Variants in TAF4B observed in about 807,000 individuals in gnomAD.
TAF4B encodes the protein transcription initiation factor TFIID subunit 4B.
In TAF4B, 38 loss-of-function variants were observed where a neutral mutation model predicts 86.4. That is an observed-to-expected ratio of 0.44 (90% CI 0.34 to 0.58). The LOEUF is 0.58. Among genes scored for constraint, TAF4B ranks in the 20% least tolerant of loss-of-function variants. TAF4B has a pLI of 0.02. For missense variants in TAF4B, 988 were observed against 1,027.6 expected (o/e 0.96, Z 0.53); for synonymous variants, 388 against 391.2 (o/e 0.99, Z 0.10).
In TAF4B at chr18:26,276,673, C is replaced by T. The variant is rs9945134; in HGVS notation, c.882+1620C>T. Among the ~76,000 whole-genome samples the T allele has an allele frequency of 8.5e-5, 13 of 152,130 alleles. No homozygotes were observed. The East Asian group carries it at 2.5e-3, about 29-fold the overall frequency. On this transcript the variant is annotated intron_variant, in intron 5 of 14. Coordinates refer to ENST00000269142, the MANE Select transcript of TAF4B (RefSeq NM_005640.3). ...TTACAGATGTCTAAAATACCTCATA[C>T]TAACAAATTTTTAATTCAACTTACG...
At chr18:26,360,218 G>A (rs2144737213) in intron 14 of TAF4B, among the ~76,000 whole-genome samples, 1 of 152,130 alleles carries the variant, frequency 6.6e-6, no homozygotes, top group East Asian at 1.9e-4. Flanking sequence ...ATATTCATTA[G>A]TGTGCCTATC....
At chr18:26,335,312 T>A in intron 13 of TAF4B, 81 bp downstream of exon 13, 1 of 1,252,484 alleles carries the variant, frequency 8.0e-7, no homozygotes, top group Non-Finnish European at 1.2e-6. Context: ...GGTCAGGGTT[T>A]ATTTTGCTGT....
intron 5 of TAF4B, among the ~76,000 whole-genome samples, chr18:26,277,083 T>G (rs1392274351): frequency 6.6e-6 from 1 of 151,952 alleles, no homozygotes; most frequent in African/African-American, 2.4e-5. Context: ...CTTTTTTTAT[T>G]GAAAAAATTT....
At chr18:26,305,769 A>G (rs1228089686) in intron 9 of TAF4B, among the ~76,000 whole-genome samples, 1 of 152,164 alleles carries the variant, frequency 6.6e-6, no homozygotes, top group African/African-American at 2.4e-5. Flanking sequence ...CTTTTTCTAT[A>G]TTCCTTTTTA....
At chr18:26,262,963 T>C (rs1022611524) in intron 1 of TAF4B, among the ~76,000 whole-genome samples, 15 of 152,154 alleles carry the variant, frequency 9.9e-5, no homozygotes, top group Non-Finnish European at 1.0e-4. Flanking sequence ...TAAAAGATTT[T>C]ATTTAGAGAC....
rs527374107 is a variant in TAF4B at position 26,338,812 on chromosome 18, G to C, written c.2316+3581G>C. Among the ~76,000 whole-genome samples the C allele has an allele frequency of 9.2e-5, 14 of 152,234 alleles. No homozygotes were observed. In the South Asian group the frequency reaches 2.3e-3, roughly 25 times the overall value. ...TGTAGTTTTTCTTTCCTCTAATAAA[G>C]TTTTAGAGGCTGTTCATCTTTGCAT... On this transcript the variant is annotated intron_variant, in intron 13 of 14. Transcript: ENST00000269142.
chr18:26,236,817 A>C (rs1022979181), intron 1 of TAF4B, among the ~76,000 whole-genome samples: 1 of 152,126 alleles, frequency 6.6e-6, no homozygotes, highest in Non-Finnish European at 1.5e-5. Context: ...TAATGCCTCC[A>C]GATTTTGTTC....
intron 14 of TAF4B, among the ~76,000 whole-genome samples, chr18:26,381,642 G>T (rs1378209712): frequency 1.3e-5 from 2 of 151,838 alleles, no homozygotes; most frequent in Non-Finnish European, 2.9e-5. Flanking sequence ...CAGGGGAATC[G>T]CTTGAACCTG....
At chr18:26,310,181 T>G (rs2056839004) in intron 9 of TAF4B, among the ~76,000 whole-genome samples, 1 of 152,194 alleles carries the variant, frequency 6.6e-6, no homozygotes, top group Non-Finnish European at 1.5e-5. Flanking sequence ...GAATCAGTAC[T>G]CTTAATTTTT....
In TAF4B at chr18:26,242,161, A is replaced by T. The variant is rs188501675; in HGVS notation, c.343+14885A>T. 2.0e-3 allele frequency among the ~76,000 whole-genome samples: 308 copies of T among 152,276 alleles called. 1 individual carries two copies. Among genetic ancestry groups the T allele is most frequent in the South Asian group, 3.7e-3 (18 of 4,824 alleles). On this transcript the variant is annotated intron_variant, in intron 1 of 14. Transcript: ENST00000269142. ...TCCTTGTTAACTTTCTGTCTCGTTG[A>T]TCTGTCTAATGTTGACAGTGGGGTG...
chr18:26,383,813 A>AATTTCT (rs1476171851), intron 14 of TAF4B, among the ~76,000 whole-genome samples: 1 of 152,170 alleles, frequency 6.6e-6, no homozygotes, highest in Non-Finnish European at 1.5e-5. Context: ...AATAACTAGA[A>AATTTCT]AGGAATAAAA....
chr18:26,294,947 A>G (rs979216915), intron 9 of TAF4B, among the ~76,000 whole-genome samples: 1 of 150,370 alleles, frequency 6.7e-6, no homozygotes, highest in African/African-American at 2.4e-5. Flanking sequence ...AAATTAATGA[A>G]CTGGAATTCA....
At chr18:26,347,700 GAC>G (rs1284640335) in intron 13 of TAF4B, among the ~76,000 whole-genome samples, 2 of 152,156 alleles carry the variant, frequency 1.3e-5, no homozygotes, top group East Asian at 3.8e-4. Context: ...CAGCTGTAAA[GAC>G]ACACATAGAC....
At chr18:26,253,824 C>G in intron 1 of TAF4B, among the ~76,000 whole-genome samples, 1 of 152,066 alleles carries the variant, frequency 6.6e-6, no homozygotes. Context: ...TTTGTTTCAT[C>G]TAAATTGTCT....
At chr18:26,348,118 T>C (rs1399398623) in intron 13 of TAF4B, among the ~76,000 whole-genome samples, 11 of 152,238 alleles carry the variant, frequency 7.2e-5, no homozygotes, top group Non-Finnish European at 1.5e-4. Flanking sequence ...AGAATACATA[T>C]TCTTTCCAGA....
At chr18:26,315,799 C>T (rs1053948339) in intron 10 of TAF4B, among the ~76,000 whole-genome samples, 2 of 152,098 alleles carry the variant, frequency 1.3e-5, no homozygotes, top group Non-Finnish European at 2.9e-5. Flanking sequence ...TTTCCCTTTT[C>T]TTAACCTTGA....
intron 9 of TAF4B, 99 bp from the exon 10 acceptor site, chr18:26,315,130 C>G (rs76393296): frequency 0.016 from 5,326 of 324,120 alleles, 58 homozygotes; most frequent in African/African-American, 0.02. Flanking sequence ...CTCTCTCTCT[C>G]TCTCTCTCTC....
At chr18:26,311,900 G>A (rs1044441253) in intron 9 of TAF4B, among the ~76,000 whole-genome samples, 2 of 152,212 alleles carry the variant, frequency 1.3e-5, no homozygotes, top group Non-Finnish European at 2.9e-5. Flanking sequence ...GACATTGTAA[G>A]AAGGCAGGCA....
chr18:26,372,507 T>G (rs1334646628), intron 14 of TAF4B, among the ~76,000 whole-genome samples: 1 of 152,154 alleles, frequency 6.6e-6, no homozygotes, highest in African/African-American at 2.4e-5. Flanking sequence ...CAGAATCAGT[T>G]TACTTTTGAC....
Sources: allele counts gnomAD v4.1 joint callset (sites outside exome capture counted in the v4.1 genomes callset), GRCh38; gene constraint gnomAD v4.1.1; transcripts MANE v1.5; gene names NCBI Gene and HGNC (gene_info 2026-07-23, HGNC 2026-07-21).